The following ZMYND8 variants were observed in gnomAD, a reference collection of about 807,000 sequenced individuals.
ZMYND8 encodes MYND-type zinc finger-containing chromatin reader ZMYND8.
ZMYND8 carries 37 observed loss-of-function variants against 140.8 expected under a neutral mutation model. The ratio of observed to expected loss-of-function variants is 0.26; its 90% CI spans 0.20 to 0.35. The LOEUF is 0.35. Among genes scored for constraint, ZMYND8 ranks in the 10% least tolerant of loss-of-function variants. The pLI is 1.00. For synonymous variants in ZMYND8, 592 were observed against 597.1 expected (o/e 0.99, Z 0.12); for missense variants, 1,068 against 1,570.0 (o/e 0.68, Z 5.40).
chr20:47,353,632 G>T (rs1006227277), intron 1 of ZMYND8: 21 of 152,334 alleles, frequency 1.4e-4, no homozygotes, highest in African/African-American at 5.1e-4. Context: ...GGAAAAAAAA[G>T]GAGAGGAATC....
chr20:47,298,618 G>A lies in ZMYND8; in HGVS notation c.453+111C>T, dbSNP rs2077801518. The A allele has an allele frequency of 7.9e-6, 12 of 1,512,958 alleles. No individual in the cohort carries two copies. In the South Asian group the frequency reaches 1.4e-4, roughly 18 times the overall value. 93.7% of individuals were successfully genotyped at this position (1,512,958 alleles called of 1,614,324 possible). ...CCAGGATAGAACAGGTGGAAAGCAA[G>A]AAATTTCTCTTTTCCATCTATCTGG... On this transcript the variant is annotated intron_variant, in intron 4 of 22. Transcript: ENST00000471951. The surrounding 1 kb of genome is among the most constrained non-coding windows in gnomAD (Gnocchi z 5.0).
rs2664544 is a variant in ZMYND8, at chr20:47,224,384, G to A, written c.3189C>T (p.Thr1063=). 0.13 allele frequency: 216,815 copies of A among 1,614,164 alleles called. 15,154 individuals carry two copies. Among genetic ancestry groups the A allele is most frequent in the South Asian group, 0.16 (14,281 of 91,086 alleles). The stretch of plus-strand genomic sequence containing the variant: ...GCTGGCAGGGGTAGTCACAGTAGCT[G>A]GTGTTCCAACAGCAGTAAAAGATGG... ...KEAIFYCCWN[T]SYCDYPCQQA... The change falls in exon 19 of 23, where the codon ACC becomes ACT. Residue 1063 remains threonine (T), a synonymous_variant. Coordinates refer to ENST00000471951, the MANE Select transcript of ZMYND8 (RefSeq NM_001281775.3).
intron 21 of ZMYND8, among the ~76,000 whole-genome samples, chr20:47,217,414 A>G (rs2036285927): frequency 6.6e-6 from 1 of 152,190 alleles, no homozygotes; most frequent in Admixed American, 6.5e-5. Context: ...GAATCAAGAA[A>G]TATGAGAGAT....
intron 3 of ZMYND8, among the ~76,000 whole-genome samples, chr20:47,306,110 C>T (rs2078458857): frequency 6.6e-6 from 1 of 152,094 alleles, no homozygotes; most frequent in Non-Finnish European, 1.5e-5. Context: ...ACTTTTGGCT[C>T]GGCGCAGTGG....
At chr20:47,290,474 TA>T (rs2077183295) in intron 6 of ZMYND8, among the ~76,000 whole-genome samples, 200 bp from the exon 7 acceptor site, 2 of 152,038 alleles carry the variant, frequency 1.3e-5, no homozygotes. Context: ...TATAACCCTA[TA>T]AAAATGCACT....
At chr20:47,258,896 C>A (rs1188376463) in intron 12 of ZMYND8, among the ~76,000 whole-genome samples, 3 of 152,134 alleles carry the variant, frequency 2.0e-5, no homozygotes, top group Non-Finnish European at 4.4e-5. Context: ...ACAAAACGCC[C>A]ACATTCCCAA....
At position 47,256,488 on chromosome 20, in the gene ZMYND8, C is replaced by T. The variant is rs933673484; in HGVS notation, c.1621+5800G>A. ...ACAAAAAATTAGCCAGGCATGGTGG[C>T]GGGCACCTGTAGTCCCAGCTACTTG... On this transcript the variant is annotated intron_variant, in intron 12 of 22. Coordinates refer to ENST00000471951, the MANE Select transcript of ZMYND8 (RefSeq NM_001281775.3). 7.2e-5 allele frequency among the ~76,000 whole-genome samples: 11 copies of T among 152,042 alleles called. No individual in the cohort carries two copies. The East Asian group carries it at 1.2e-3, about 16-fold the overall frequency.
At chr20:47,303,070 T>G (rs965907305) in intron 3 of ZMYND8, among the ~76,000 whole-genome samples, 2 of 152,110 alleles carry the variant, frequency 1.3e-5, no homozygotes, top group Non-Finnish European at 2.9e-5. Context: ...CAACGTCCCT[T>G]GGAGGTCAAA....
intron 10 of ZMYND8, among the ~76,000 whole-genome samples, chr20:47,277,296 C>T (rs1453543412): frequency 2.6e-5 from 4 of 152,266 alleles, no homozygotes; most frequent in East Asian, 1.9e-4. Context: ...GGAGCCCATT[C>T]GCCTCCAGGC....
At position 47,212,686 on chromosome 20, in the gene ZMYND8, G is replaced by A; in HGVS notation, c.3524C>T (p.Thr1175Ile). ...GGGGTGCGGCTGGTGGTCTGTGGTGGTTGGGGCATAGGCAGGTTGCTTGTC... is the reference window on the plus strand; with the variant it reads ...GGGGTGCGGCTGGTGGTCTGTGGTGATTGGGGCATAGGCAGGTTGCTTGTC... ...RCDKQPAYAP[T>I]TTDHQPHPNY... The change falls in exon 22 of 23, where the codon ACC (threonine) becomes ATC (isoleucine). Residue 1175 changes from threonine to isoleucine, a missense_variant. This residue lies in a region of ZMYND8 where 180 missense variants were observed against 187.8 expected (regional missense o/e 0.96). Transcript: ENST00000471951. 6.2e-7 allele frequency: 1 copy of A among 1,613,908 alleles called. No homozygotes were observed. Among genetic ancestry groups the A allele is most frequent in the East Asian group, 2.2e-5 (1 of 44,862 alleles).
chr20:47,242,343 G>A (rs943708522), intron 14 of ZMYND8, among the ~76,000 whole-genome samples: 2 of 152,160 alleles, frequency 1.3e-5, no homozygotes, highest in African/African-American at 4.8e-5. Context: ...CAAGAGCCTG[G>A]GGTGGGTCTG....
At chr20:47,277,108 C>T (rs2076302454) in intron 10 of ZMYND8, among the ~76,000 whole-genome samples, 1 of 152,186 alleles carries the variant, frequency 6.6e-6, no homozygotes, top group African/African-American at 2.4e-5. Context: ...TCAGCCACTG[C>T]ATCTGACAAC....
In ZMYND8 at chr20:47,281,573, G is replaced by A. The variant is rs572322635; in HGVS notation, c.998+529C>T. ...TCACTCTGCCGTGTACGGAGGGAAAGGGGAGGGCAGGAAGGCTGGGAGGGA... is the reference window on the plus strand; with the variant it reads ...TCACTCTGCCGTGTACGGAGGGAAAAGGGAGGGCAGGAAGGCTGGGAGGGA... On this transcript the variant is annotated intron_variant, in intron 10 of 22. Transcript: ENST00000471951. 9.9e-4 allele frequency among the ~76,000 whole-genome samples: 151 copies of A among 152,302 alleles called. 3 individuals are homozygous for A. In the South Asian group the frequency reaches 0.031, roughly 31 times the overall value.
chr20:47,320,217 A>G (rs1049861924), intron 2 of ZMYND8: 1 of 152,256 alleles, frequency 6.6e-6, no homozygotes, highest in Non-Finnish European at 1.5e-5. Context: ...AAGGGGGCAG[A>G]TGAAGGAAGA....
At chr20:47,244,222 A>C (rs1404836287) in intron 14 of ZMYND8, among the ~76,000 whole-genome samples, 1 of 152,234 alleles carries the variant, frequency 6.6e-6, no homozygotes, top group Non-Finnish European at 1.5e-5. Flanking sequence ...TTTCATTGAC[A>C]AGTTAGCTCC....
At chr20:47,338,585 A>G (rs2081574444) in intron 2 of ZMYND8, among the ~76,000 whole-genome samples, 2 of 152,108 alleles carry the variant, frequency 1.3e-5, no homozygotes, top group South Asian at 2.1e-4. Flanking sequence ...AGCAACCCCA[A>G]TCTTAACCCC....
intron 1 of ZMYND8, chr20:47,356,311 GAAGA>G (rs1268659418): frequency 5.3e-6 from 7 of 1,329,236 alleles, no homozygotes; most frequent in Admixed American, 5.3e-5. Flanking sequence ...AGAGAGAGGG[GAAGA>G]GAGAGGGAAG....
Position 47,221,330 on chromosome 20 carries a change from CT to C in ZMYND8, c.3400del (p.Ser1134AlafsTer22). 1 of 1,614,132 alleles carries C rather than the reference CT, an allele frequency of 6.2e-7. No homozygotes were observed. Among genetic ancestry groups the C allele is most frequent in the Non-Finnish European group, 8.5e-7 (1 of 1,180,006 alleles). ...SKEKETSAEKSKESGSTLDLS... is the reference protein window; with the variant it reads ...SKEKETSAEKXKESGSTLDLS... Reference sequence around the variant, plus strand: ...GATCCTCACCGAGCCACTCTCCTTGCTTTTCTCAGCTGACGTCTCCTTCTCT... The same window carrying C: ...GATCCTCACCGAGCCACTCTCCTTGCTTTCTCAGCTGACGTCTCCTTCTCT... On this transcript the variant is annotated frameshift_variant, in exon 20 of 23. Coordinates refer to ENST00000471951, the MANE Select transcript of ZMYND8 (RefSeq NM_001281775.3). LOFTEE classifies it high-confidence loss of function.
chr20:47,221,489 G>A lies in ZMYND8; in HGVS notation c.3257-15C>T, dbSNP rs763734855. 3 of 1,612,748 alleles carry A rather than the reference G, an allele frequency of 1.9e-6. No individual in the cohort carries two copies. The highest frequency in any genetic ancestry group is 1.7e-5 in the Admixed American group (1 of 59,916). On this transcript the variant is annotated splice_polypyrimidine_tract_variant and intron_variant, in intron 19 of 22. Coordinates refer to ENST00000471951, the MANE Select transcript of ZMYND8 (RefSeq NM_001281775.3). ...AGGAGCAGTAGCTGGGGACAAAGGA[G>A]AGAGAGAGACGCCACATATACACAG...
Sources: gnomAD v4.1 joint callset for allele counts (sites outside exome capture counted in the v4.1 genomes callset) on GRCh38, gnomAD v4.1.1 for gene constraint, gnomAD v4.1.1 regional missense constraint, Gnocchi (gnomAD v3.1) non-coding constraint, MANE v1.5 for transcripts, NCBI Gene and HGNC (gene_info 2026-07-23, HGNC 2026-07-21) for gene names.